The following GTF2F2 variants were observed in gnomAD, a reference collection of about 807,000 sequenced individuals.
GTF2F2 encodes general transcription factor IIF subunit 2.
Under a neutral mutation model 42.2 loss-of-function variants are expected in GTF2F2, and 23 were observed. That is an observed-to-expected ratio of 0.55 (90% CI 0.39 to 0.77). GTF2F2 has a LOEUF of 0.77. Among genes scored for constraint, GTF2F2 ranks in the 30% least tolerant of loss-of-function variants. The probability of loss-of-function intolerance (pLI) is 0.00; values close to 1 mark genes in which losing one functional copy is unlikely to be tolerated. For synonymous variants in GTF2F2, 105 were observed against 100.8 expected, an observed-to-expected ratio of 1.04 and a Z score of -0.25; for missense variants, 261 against 287.2, an observed-to-expected ratio of 0.91 and a Z score of 0.66.
At chr13:45,216,066 C>T (rs1489631042) in intron 5 of GTF2F2, among the ~76,000 whole-genome samples, 1 of 152,070 alleles carries the variant, frequency 6.6e-6, no homozygotes, top group Non-Finnish European at 1.5e-5. Flanking sequence ...CATGGAGAAA[C>T]ACCATCCCTA....
At chr13:45,278,816 CTT>C (rs1157972776) in intron 7 of GTF2F2, among the ~76,000 whole-genome samples, 11 of 62,302 alleles carry the variant, frequency 1.8e-4, no homozygotes, top group Admixed American at 4.4e-4. Flanking sequence ...TTTTCTTTTT[CTT>C]TTTTTTTTTT....
intron 1 of GTF2F2, among the ~76,000 whole-genome samples, chr13:45,126,546 A>G (rs1869013030): frequency 6.6e-6 from 1 of 152,208 alleles, no homozygotes; most frequent in African/African-American, 2.4e-5. Flanking sequence ...CACTGTGCCC[A>G]GCGACAAGAA....
intron 7 of GTF2F2, among the ~76,000 whole-genome samples, chr13:45,274,331 T>C (rs12864943): frequency 7.1e-6 from 1 of 141,406 alleles, no homozygotes; most frequent in Non-Finnish European, 1.5e-5. Context: ...TACTTTTTTT[T>C]TTTTTTTTTT....
At chr13:45,179,019 GCTT>G (rs2138153634) in intron 4 of GTF2F2, among the ~76,000 whole-genome samples, 1 of 152,322 alleles carries the variant, frequency 6.6e-6, no homozygotes, top group African/African-American at 2.4e-5. Flanking sequence ...TCTAGCCCAT[GCTT>G]CTTTACATGG....
intron 6 of GTF2F2, among the ~76,000 whole-genome samples, chr13:45,255,653 G>A (rs999316225): frequency 6.6e-6 from 1 of 152,170 alleles, no homozygotes; most frequent in African/African-American, 2.4e-5. Context: ...AATACACACA[G>A]TTTTCTGAGA....
intron 4 of GTF2F2, among the ~76,000 whole-genome samples, chr13:45,168,794 T>TCCTTCCTC (rs1482308509): frequency 1.4e-5 from 2 of 146,186 alleles, no homozygotes; most frequent in Non-Finnish European, 3.0e-5. Context: ...CTTCCTTCCT[T>TCCTTCCTC]CCTTCCTTCC....
chr13:45,212,035 A>G (rs1873670904), intron 5 of GTF2F2, among the ~76,000 whole-genome samples: 1 of 152,134 alleles, frequency 6.6e-6, no homozygotes. Context: ...TACCTAAAGG[A>G]TCTGTTTACA....
At chr13:45,236,353 A>G (rs1442435317) in intron 5 of GTF2F2, among the ~76,000 whole-genome samples, 1 of 152,180 alleles carries the variant, frequency 6.6e-6, no homozygotes, top group Non-Finnish European at 1.5e-5. Flanking sequence ...ACTTAGGCAT[A>G]ACTGACTTTC....
chr13:45,256,282 AC>A (rs1437061652), intron 6 of GTF2F2, among the ~76,000 whole-genome samples: 1 of 152,164 alleles, frequency 6.6e-6, no homozygotes, highest in African/African-American at 2.4e-5. Flanking sequence ...ATAGTACCTT[AC>A]TGATTGTCTA....
chr13:45,126,795 C>T (rs1270849012), intron 1 of GTF2F2, among the ~76,000 whole-genome samples: 1 of 152,184 alleles, frequency 6.6e-6, no homozygotes. Context: ...TGTTTCTGTG[C>T]ATGTGAATAG....
intron 4 of GTF2F2, among the ~76,000 whole-genome samples, chr13:45,158,126 A>T (rs1870856397): frequency 6.6e-6 from 1 of 152,114 alleles, no homozygotes. Context: ...TCCCCACCCA[A>T]ATCTCATCTT....
intron 6 of GTF2F2, among the ~76,000 whole-genome samples, chr13:45,261,425 CAAAAAA>C (rs976923932): frequency 1.7e-5 from 1 of 58,888 alleles, no homozygotes; most frequent in East Asian, 5.2e-4. Flanking sequence ...GACTCCATCT[CAAAAAA>C]AAAAAAAAAA....
chr13:45,169,900 T>G (rs1871507179), intron 4 of GTF2F2, among the ~76,000 whole-genome samples: 2 of 152,214 alleles, frequency 1.3e-5, no homozygotes, highest in South Asian at 4.1e-4. Flanking sequence ...ACAACCAGTA[T>G]TGTTTAGAAA....
At chr13:45,182,312 G>A (rs983966143) in intron 4 of GTF2F2, among the ~76,000 whole-genome samples, 3 of 152,008 alleles carry the variant, frequency 2.0e-5, no homozygotes, top group Non-Finnish European at 2.9e-5. Flanking sequence ...TGCTACGCCC[G>A]GCTAACTTTT....
At chr13:45,129,271 C>A (rs767586197) in intron 1 of GTF2F2, among the ~76,000 whole-genome samples, 1 of 152,182 alleles carries the variant, frequency 6.6e-6, no homozygotes, top group African/African-American at 2.4e-5. Context: ...TGCAGTGGCA[C>A]GATCATGGTT....
intron 4 of GTF2F2, among the ~76,000 whole-genome samples, chr13:45,198,467 T>C (rs1246018499): frequency 6.6e-6 from 1 of 152,190 alleles, no homozygotes; most frequent in Non-Finnish European, 1.5e-5. Context: ...TCAGACACTC[T>C]TCAAGGAAAA....
intron 5 of GTF2F2, among the ~76,000 whole-genome samples, chr13:45,228,830 C>T (rs960594330): frequency 1.3e-5 from 2 of 152,004 alleles, no homozygotes; most frequent in East Asian, 1.9e-4. Flanking sequence ...GCCACCACGC[C>T]CAGCTAATTT....
At position 45,233,733 on chromosome 13, in the gene GTF2F2, G is replaced by A. The variant is rs142232420; in HGVS notation, c.387-19138G>A. Among the ~76,000 whole-genome samples the A allele has an allele frequency of 1.7e-3, 265 of 152,192 alleles. 1 individual carries two copies. Among genetic ancestry groups the A allele is most frequent in the African/African-American group, 6.1e-3 (252 of 41,550 alleles). On this transcript the variant is annotated intron_variant, in intron 5 of 7. Transcript: ENST00000340473. Reference sequence around the variant, plus strand: ...GTTTGAGGCCAGCCTGGGCAACATGGCAAACCCCATCTCTACAAAATATAG... The same window carrying A: ...GTTTGAGGCCAGCCTGGGCAACATGACAAACCCCATCTCTACAAAATATAG...
intron 5 of GTF2F2, among the ~76,000 whole-genome samples, chr13:45,215,658 G>A (rs192372741): frequency 1.9e-4 from 29 of 152,070 alleles, no homozygotes; most frequent in Non-Finnish European, 1.9e-4. Flanking sequence ...CTACTCGGGA[G>A]GCTGAGGCAG....
Sources: allele counts gnomAD v4.1 joint callset (sites outside exome capture counted in the v4.1 genomes callset), GRCh38; gene constraint gnomAD v4.1.1; transcripts MANE v1.5; gene names NCBI Gene and HGNC (gene_info 2026-07-23, HGNC 2026-07-21).